Variants in SUGCT observed in about 807,000 individuals in gnomAD.
The protein encoded by SUGCT is succinyl-CoA:glutarate CoA-transferase.
SUGCT carries 41 observed loss-of-function variants against 55.0 expected under a neutral mutation model. That is an observed-to-expected ratio of 0.74 (90% CI 0.58 to 0.97). The LOEUF (loss-of-function observed/expected upper bound fraction) is 0.97. SUGCT is among the 50% of genes least tolerant of loss of function. SUGCT has a pLI of 0.00. For synonymous variants in SUGCT, 187 were observed against 200.4 expected, an observed-to-expected ratio of 0.93 and a Z score of 0.56; for missense variants, 568 against 547.8, an observed-to-expected ratio of 1.04 and a Z score of -0.37.
the SUGCT span, among the ~76,000 whole-genome samples, chr7:41,031,150 T>C: frequency 6.6e-6 from 1 of 152,128 alleles, no homozygotes; most frequent in South Asian, 2.1e-4. Context: ...TGTGTAGAGA[T>C]GGGGCCTCAC....
intron 12 of SUGCT, among the ~76,000 whole-genome samples, chr7:40,514,816 A>G (rs1167296036): frequency 6.6e-6 from 1 of 151,526 alleles, no homozygotes. Context: ...CATACTTTTC[A>G]GGTATTAAGG....
chr7:40,486,668 T>A (rs1791368756), intron 11 of SUGCT, among the ~76,000 whole-genome samples: 1 of 151,900 alleles, frequency 6.6e-6, no homozygotes, highest in African/African-American at 2.4e-5. Context: ...ATGTTGTGTA[T>A]CCATTTATAT....
chr7:40,650,134 G>T (rs1408082549), intron 12 of SUGCT, among the ~76,000 whole-genome samples: 1 of 152,168 alleles, frequency 6.6e-6, no homozygotes, highest in Non-Finnish European at 1.5e-5. Context: ...GCTCTTGGAT[G>T]GAGGCCTCTC....
At chr7:40,821,852 A>G (rs1042937072) in intron 13 of SUGCT, among the ~76,000 whole-genome samples, 2 of 151,904 alleles carry the variant, frequency 1.3e-5, no homozygotes, top group African/African-American at 4.8e-5. Flanking sequence ...TTTTGATGTG[A>G]TGTTAGGGTG....
intron 12 of SUGCT, among the ~76,000 whole-genome samples, chr7:40,696,211 C>T (rs929985372): frequency 2.7e-4 from 41 of 152,266 alleles, no homozygotes; most frequent in Middle Eastern, 3.4e-3. Flanking sequence ...CCATCAGTCA[C>T]GAATTGTAGA....
At chr7:40,251,842 C>G (rs1404552623) in intron 7 of SUGCT, among the ~76,000 whole-genome samples, 1 of 151,168 alleles carries the variant, frequency 6.6e-6, no homozygotes, top group East Asian at 2.0e-4. Flanking sequence ...GCACTTCAAT[C>G]TTTTGCTTGG....
chr7:40,984,587 C>T, the SUGCT span, among the ~76,000 whole-genome samples: 5 of 152,130 alleles, frequency 3.3e-5, no homozygotes, highest in Admixed American at 1.3e-4. Context: ...TTAGCTATTA[C>T]ATCCACATCT....
At chr7:40,362,755 G>GT (rs970216770) in intron 9 of SUGCT, among the ~76,000 whole-genome samples, 5 of 152,080 alleles carry the variant, frequency 3.3e-5, no homozygotes, top group East Asian at 1.9e-4. Context: ...CAACTCAGTG[G>GT]TTTTTTTGTA....
chr7:41,036,160 G>A, the SUGCT span, among the ~76,000 whole-genome samples: 6 of 152,182 alleles, frequency 3.9e-5, no homozygotes, highest in Admixed American at 3.9e-4. Context: ...GAATGCATGA[G>A]TGAATCAATG....
In SUGCT at chr7:40,752,390, C is replaced by G. The variant is rs553859800; in HGVS notation, c.1153+2893C>G. Among the ~76,000 whole-genome samples the G allele has an allele frequency of 9.8e-5, 15 of 152,290 alleles. No homozygotes were observed. In the East Asian group the frequency reaches 2.9e-3, roughly 29 times the overall value. On this transcript the variant is annotated intron_variant, in intron 13 of 13. Transcript: ENST00000335693. ...ATTTATTTTGAGACAGAGTCTCACT[C>G]TGTCGCCCAGGCTGAAGTGCAGTGA...
intron 13 of SUGCT, among the ~76,000 whole-genome samples, chr7:40,817,607 G>C (rs531022632): frequency 6.6e-6 from 1 of 152,266 alleles, no homozygotes; most frequent in East Asian, 1.9e-4. Flanking sequence ...TGAGGATCTT[G>C]TGGTACATCC....
intron 13 of SUGCT, among the ~76,000 whole-genome samples, chr7:40,832,499 T>TG (rs1792728926): frequency 6.6e-6 from 1 of 151,948 alleles, no homozygotes. Flanking sequence ...ATAGCTATAA[T>TG]GGTTCATACA....
At position 40,620,312 on chromosome 7, in the gene SUGCT, A is replaced by G. The variant is rs6979422; in HGVS notation, c.1089+123926A>G. Among the ~76,000 whole-genome samples the G allele has an allele frequency of 1.3e-3, 197 of 152,334 alleles. 1 individual carries two copies. The highest frequency in any genetic ancestry group is 4.5e-3 in the African/African-American group (189 of 41,582). On this transcript the variant is annotated intron_variant, in intron 12 of 13. Transcript: ENST00000335693. ...CATTGAATTTATGTTACTTTGCTCA[A>G]GATATTTAACCTCAAGATATTTAGC... is the stretch of plus-strand genomic sequence containing the variant.
In SUGCT at chr7:40,748,180, T is replaced by C. The variant is rs543102524; in HGVS notation, c.1090-1254T>C. Among the ~76,000 whole-genome samples, 6 of 152,212 alleles carry C rather than the reference T, an allele frequency of 3.9e-5. No homozygotes were observed. In the East Asian group the frequency reaches 9.6e-4, roughly 24 times the overall value. ...GGATTAGGAGGATTAGAGAGAGACT[T>C]TGGGGTGTATGTAGGAGGGTATTTT... On this transcript the variant is annotated intron_variant, in intron 12 of 13. Transcript: ENST00000335693.
rs553675839 is a variant in SUGCT, at chr7:40,157,482, C to A, written c.100+22362C>A. On this transcript the variant is annotated intron_variant, in intron 1 of 13. Coordinates refer to ENST00000335693, the MANE Select transcript of SUGCT (RefSeq NM_001193313.2). ...TGACTTAAGTAATAATAACTCTGAT[C>A]TCTGCTCCAGAAACTTTGTGTTTAC... Among the ~76,000 whole-genome samples, 7 of 152,256 alleles carry A rather than the reference C, an allele frequency of 4.6e-5. No homozygotes were observed. The East Asian group carries it at 1.4e-3, about 29-fold the overall frequency.
chr7:40,398,474 G>A (rs1160894379), intron 9 of SUGCT, among the ~76,000 whole-genome samples: 4 of 150,024 alleles, frequency 2.7e-5, no homozygotes. Flanking sequence ...ATTGCATCTC[G>A]GTTGGCCAGA....
At chr7:40,865,432 A>G (rs777130277), downstream of SUGCT, among the ~76,000 whole-genome samples, 54 of 152,278 alleles carry the variant, frequency 3.5e-4, no homozygotes, top group Non-Finnish European at 5.9e-4. Context: ...AGGGAAAGAA[A>G]TGAAAGGGTA....
chr7:41,028,903 G>T, the SUGCT span, among the ~76,000 whole-genome samples: 1 of 152,170 alleles, frequency 6.6e-6, no homozygotes, highest in African/African-American at 2.4e-5. Context: ...TCATGGGCTT[G>T]TTGAAGTGTT....
intron 12 of SUGCT, among the ~76,000 whole-genome samples, chr7:40,720,568 T>A (rs1011969193): frequency 1.3e-5 from 2 of 152,168 alleles, no homozygotes; most frequent in African/African-American, 4.8e-5. Context: ...TGGACATGTA[T>A]GAGAAAGAAT....
Sources: allele counts gnomAD v4.1 joint callset (sites outside exome capture counted in the v4.1 genomes callset), GRCh38; gene constraint gnomAD v4.1.1; transcripts MANE v1.5; gene names NCBI Gene and HGNC (gene_info 2026-07-23, HGNC 2026-07-21).